Variants in TRIM67 observed in about 807,000 individuals in gnomAD.
The protein encoded by TRIM67 is tripartite motif containing 67, also known as tripartite motif-containing protein 67.
In TRIM67, 39 loss-of-function variants were observed where a neutral mutation model predicts 71.0. That is an observed-to-expected ratio of 0.55 (90% CI 0.43 to 0.72). The LOEUF is 0.72. Among genes scored for constraint, TRIM67 ranks in the 30% least tolerant of loss-of-function variants. TRIM67 has a pLI of 0.00. For missense variants in TRIM67, 973 were observed against 1,079.2 expected, an observed-to-expected ratio of 0.90 and a Z score of 1.38; for synonymous variants, 481 against 473.9, an observed-to-expected ratio of 1.01 and a Z score of -0.19.
chr1:231,164,049 G>A (rs760716714), intron 1 of TRIM67, 36 bp downstream of exon 1: 22 of 1,463,080 alleles, frequency 1.5e-5, no homozygotes, highest in Non-Finnish European at 2.0e-5. Context: ...AGGTGCCAGG[G>A]AAGAGGGTAC....
At chr1:231,165,840 A>G (rs1682446348) in intron 1 of TRIM67, among the ~76,000 whole-genome samples, 1 of 152,248 alleles carries the variant, frequency 6.6e-6, no homozygotes, top group Non-Finnish European at 1.5e-5. Flanking sequence ...CAAACTGCTA[A>G]ATCTTCACAG....
At chr1:231,165,087 CA>C (rs1301516168) in intron 1 of TRIM67, among the ~76,000 whole-genome samples, 3 of 152,172 alleles carry the variant, frequency 2.0e-5, no homozygotes, top group African/African-American at 7.2e-5. Flanking sequence ...CCCCTTACCC[CA>C]ACCCCTCCCC....
rs114811178 is a variant in TRIM67, at chr1:231,178,583, C to T, written c.1044+14570C>T. ...CTCTTGGGGTAGGGCTAAGAAGCAG[C>T]GTTTAACCTAATTGAGCTCACTGGC... On this transcript the variant is annotated intron_variant, in intron 1 of 9. Transcript: ENST00000366653. Among the ~76,000 whole-genome samples, 1,393 of 152,290 alleles carry T rather than the reference C, an allele frequency of 9.1e-3. 21 individuals carry two copies. Among genetic ancestry groups the T allele is most frequent in the African/African-American group, 0.031 (1,305 of 41,562 alleles).
At chr1:231,197,162 G>A (rs921028977) in intron 1 of TRIM67, among the ~76,000 whole-genome samples, 1 of 152,212 alleles carries the variant, frequency 6.6e-6, no homozygotes, top group Non-Finnish European at 1.5e-5. Flanking sequence ...GGATGAGAAA[G>A]GAGAGTGCAG....
At chr1:231,169,444 A>G (rs1682566086) in intron 1 of TRIM67, among the ~76,000 whole-genome samples, 1 of 125,476 alleles carries the variant, frequency 8.0e-6, no homozygotes, top group Admixed American at 1.0e-4. Flanking sequence ...GTGGTGCACC[A>G]TGTCAGTTCA....
At chr1:231,183,098 T>C (rs182035037) in intron 1 of TRIM67, among the ~76,000 whole-genome samples, 79 of 152,344 alleles carry the variant, frequency 5.2e-4, no homozygotes, top group African/African-American at 1.8e-3. Context: ...AGTCAGAGTC[T>C]GAAGCTGAGT....
chr1:231,163,323 C>A lies in TRIM67; in HGVS notation c.354C>A (p.Ser118Arg). 6.6e-7 allele frequency: 1 copy of A among 1,521,820 alleles called. No individual in the cohort carries two copies. The highest frequency in any genetic ancestry group is 2.1e-5 in the Admixed American group (1 of 48,684). 94.3% of individuals were successfully genotyped at this position (1,521,820 alleles called of 1,614,324 possible). A position where few individuals can be genotyped will look rare whatever the true frequency, so the allele number is the denominator to read the frequency against. The change falls in exon 1 of 10, where the codon AGC becomes AGA. Residue 118 changes from serine to arginine, a missense_variant. By Grantham distance (110) the Ser-to-Arg change is moderately radical (BLOSUM62 -1). Around this residue, in one of 2 missense-constraint regions of TRIM67, gnomAD observed 795 missense variants for 831.3 expected, o/e 0.96. Coordinates refer to ENST00000366653, the MANE Select transcript of TRIM67 (RefSeq NM_001004342.5). ...TDSGYGSYTP[S>R]LKSPNGVRVL... is the part of the protein sequence containing the mutation. ...GCGGCTACGGGTCCTACACCCCGAG[C>A]CTCAAGTCCCCCAACGGGGTTCGCG... is the stretch of plus-strand genomic sequence containing the variant.
chr1:231,198,973 A>G, intron 2 of TRIM67, 74 bp from the exon 3 acceptor site: 1 of 1,606,700 alleles, frequency 6.2e-7, no homozygotes, highest in South Asian at 1.1e-5. Flanking sequence ...CTTTGTCTAT[A>G]GCACTCACCA....
intron 1 of TRIM67, among the ~76,000 whole-genome samples, chr1:231,188,405 A>C (rs774026403): frequency 5.3e-5 from 8 of 152,186 alleles, no homozygotes; most frequent in Non-Finnish European, 1.0e-4. Flanking sequence ...ATTGGCAGAC[A>C]GGCAACCCTG....
chr1:231,194,409 G>C (rs1683312543), intron 1 of TRIM67, among the ~76,000 whole-genome samples: 1 of 152,208 alleles, frequency 6.6e-6, no homozygotes, highest in Non-Finnish European at 1.5e-5. Context: ...AAGGCTGTCA[G>C]GGCAGAAATA....
chr1:231,208,115 T>G (rs1360845629), intron 7 of TRIM67, among the ~76,000 whole-genome samples: 1 of 151,832 alleles, frequency 6.6e-6, no homozygotes, highest in South Asian at 2.1e-4. Context: ...TTCAAGTGAT[T>G]GTCCTGCCTC....
At chr1:231,174,152 C>CTTTTT (rs35651112) in intron 1 of TRIM67, among the ~76,000 whole-genome samples, 10 of 127,352 alleles carry the variant, frequency 7.9e-5, no homozygotes, top group African/African-American at 1.2e-4. Flanking sequence ...GTCTTATTTT[C>CTTTTT]TTTTTTTTTT....
Position 231,217,964 on chromosome 1 carries a change from C to G in TRIM67, c.*2524C>G. 1 of 1,250,030 alleles carries G rather than the reference C, an allele frequency of 8.0e-7. No homozygotes were observed. The highest frequency in any genetic ancestry group is 1.0e-6 in the Non-Finnish European group (1 of 970,880). The allele number at this position is 1,250,030 out of a possible 1,614,324, so 77.4% of individuals were successfully genotyped here. A position where few individuals can be genotyped will look rare whatever the true frequency, so the allele number is the denominator to read the frequency against. ...CCCTGAGCTTGGGGGCTGGGATTCTCCCTTTTCTGACTCCTCCAGGAGCCC... is the reference window on the plus strand; with the variant it reads ...CCCTGAGCTTGGGGGCTGGGATTCTGCCTTTTCTGACTCCTCCAGGAGCCC... On this transcript the variant is annotated 3_prime_UTR_variant, in exon 10 of 10. Coordinates refer to ENST00000366653, the MANE Select transcript of TRIM67 (RefSeq NM_001004342.5).
chr1:231,165,409 T>C (rs779645802), intron 1 of TRIM67, among the ~76,000 whole-genome samples: 1 of 152,234 alleles, frequency 6.6e-6, no homozygotes, highest in Non-Finnish European at 1.5e-5. Flanking sequence ...TAATACTGTA[T>C]GTTTAGCCTC....
intron 6 of TRIM67, among the ~76,000 whole-genome samples, chr1:231,205,909 G>A (rs1348999037): frequency 6.6e-6 from 1 of 152,122 alleles, no homozygotes; most frequent in Non-Finnish European, 1.5e-5. Flanking sequence ...TTGTTGACCA[G>A]GTAGACCTTG....
intron 1 of TRIM67, among the ~76,000 whole-genome samples, chr1:231,194,937 C>G (rs984665027): frequency 1.3e-5 from 2 of 152,028 alleles, no homozygotes; most frequent in Admixed American, 1.3e-4. Context: ...TCTATGTTGC[C>G]CAGGCTGGTC....
Position 231,163,754 on chromosome 1 carries a change from A to C in TRIM67, c.785A>C (p.Glu262Ala). Residue 262 changes from glutamate (E) to alanine (A), a missense_variant, in exon 1 of 10, where the codon GAG becomes GCG. Glu to Ala is a moderately radical substitution (Grantham distance 107). Transcript: ENST00000366653. Reference sequence around the variant, plus strand: ...CCGCCGCCGCCGCCGCCGCCCGCCGAGGCAGCCTCCGGGCCCACTGGCACC... The same window carrying C: ...CCGCCGCCGCCGCCGCCGCCCGCCGCGGCAGCCTCCGGGCCCACTGGCACC... ...QPPPPPPPPA[E>A]AASGPTGTAQ... The C allele has an allele frequency of 6.7e-7, 1 of 1,493,488 alleles. No individual in the cohort carries two copies. Among genetic ancestry groups the C allele is most frequent in the Non-Finnish European group, 8.9e-7 (1 of 1,121,642 alleles). 92.5% of individuals were successfully genotyped at this position (1,493,488 alleles called of 1,614,324 possible).
chr1:231,207,460 C>T (rs1284055179), intron 7 of TRIM67, among the ~76,000 whole-genome samples: 1 of 152,218 alleles, frequency 6.6e-6, no homozygotes, highest in African/African-American at 2.4e-5. Context: ...TAGCAGAGAG[C>T]AATGAGAGAA....
intron 1 of TRIM67, among the ~76,000 whole-genome samples, chr1:231,167,319 CTTTTTT>C (rs1159766852): frequency 1.2e-4 from 6 of 51,830 alleles, no homozygotes; most frequent in Middle Eastern, 9.8e-3. Context: ...ACTCTAATGT[CTTTTTT>C]TTTTTTTTTT....
Sources: allele counts gnomAD v4.1 joint callset (sites outside exome capture counted in the v4.1 genomes callset), GRCh38; gene constraint gnomAD v4.1.1; regional missense constraint gnomAD v4.1.1; transcripts MANE v1.5; gene names NCBI Gene and HGNC (gene_info 2026-07-23, HGNC 2026-07-21).